Variants in ANKRD6 observed in about 807,000 individuals in gnomAD.
ANKRD6 encodes the protein ankyrin repeat domain-containing protein 6.
Under a neutral mutation model 82.3 loss-of-function variants are expected in ANKRD6, and 56 were observed. That is an observed-to-expected ratio of 0.68 (90% CI 0.55 to 0.85). ANKRD6 has a LOEUF of 0.85. Ranked by LOEUF, ANKRD6 falls within the 40% of genes least tolerant of loss-of-function variation. ANKRD6 has a pLI of 0.00. For missense variants in ANKRD6, 852 were observed against 907.6 expected (o/e 0.94, Z 0.79); for synonymous variants, 347 against 352.1 (o/e 0.99, Z 0.16).
intron 2 of ANKRD6, among the ~76,000 whole-genome samples, chr6:89,571,267 G>T (rs918496351): frequency 4.6e-5 from 7 of 151,978 alleles, no homozygotes; most frequent in African/African-American, 1.7e-4. Context: ...GTTAGCCAGG[G>T]GTGGTCTCGA....
intron 1 of ANKRD6, among the ~76,000 whole-genome samples, chr6:89,539,822 C>G (rs767464257): frequency 6.6e-6 from 1 of 150,636 alleles, no homozygotes; most frequent in African/African-American, 2.4e-5. Context: ...TGGTAACCAT[C>G]CTTCTACTCT....
At chr6:89,488,910 A>ATTCTG (rs1777702554) in intron 1 of ANKRD6, among the ~76,000 whole-genome samples, 1 of 151,598 alleles carries the variant, frequency 6.6e-6, no homozygotes, top group Non-Finnish European at 1.5e-5. Flanking sequence ...ATTCTATTCT[A>ATTCTG]TTCTATTCTA....
At chr6:89,603,651 G>A (rs1387558522) in intron 4 of ANKRD6, among the ~76,000 whole-genome samples, 1 of 152,116 alleles carries the variant, frequency 6.6e-6, no homozygotes, top group African/African-American at 2.4e-5. Flanking sequence ...AGATAAGTGA[G>A]CAAGTTAATT....
intron 1 of ANKRD6, among the ~76,000 whole-genome samples, chr6:89,451,587 C>CT (rs1772825567): frequency 6.6e-6 from 1 of 152,142 alleles, no homozygotes; most frequent in Non-Finnish European, 1.5e-5. Flanking sequence ...GCTTTAAAAA[C>CT]TGATTGTTAT....
At position 89,509,838 on chromosome 6, in the gene ANKRD6, A is replaced by G. The variant is rs116449071; in HGVS notation, c.-143-56996A>G. Among the ~76,000 whole-genome samples, 353 of 152,344 alleles carry G rather than the reference A, an allele frequency of 2.3e-3. 1 individual carries two copies. Among genetic ancestry groups the G allele is most frequent in the African/African-American group, 8.2e-3 (342 of 41,582 alleles). ...CCAAGTAATGTGGTGATGTCTAGAT[A>G]GTGAGTGACAGCATTGGGATTTAAG... On this transcript the variant is annotated intron_variant, in intron 1 of 15. Coordinates refer to ENST00000339746, the MANE Select transcript of ANKRD6 (RefSeq NM_001242809.2).
At chr6:89,526,878 C>T (rs796908130) in intron 1 of ANKRD6, among the ~76,000 whole-genome samples, 8 of 152,352 alleles carry the variant, frequency 5.3e-5, no homozygotes, top group African/African-American at 1.9e-4. Flanking sequence ...CAGGCAGAGA[C>T]TTCAGCCTTC....
Position 89,612,278 on chromosome 6 carries a change from A to G in ANKRD6, c.424A>G (p.Asn142Asp). 1 of 1,557,872 alleles carries G rather than the reference A, an allele frequency of 6.4e-7. No individual in the cohort carries two copies. The highest frequency in any genetic ancestry group is 1.4e-5 in the African/African-American group (1 of 73,516). The change falls in exon 6 of 16, where the codon AAC (asparagine) becomes GAC (aspartate). Residue 142 changes from asparagine (N) to aspartate (D), a missense_variant. Coordinates refer to ENST00000339746, the MANE Select transcript of ANKRD6 (RefSeq NM_001242809.2). ...CTCTCTGCCTCTCTCCAAGGCGGGG[A>G]ACACAGCTCTGCACCTGGCCTGCCA... ...ANVLAKNKAG[N>D]TALHLACQNS...
rs544915346 is a variant in ANKRD6, at chr6:89,475,243, C to G, written c.-144+41868C>G. 4.6e-5 allele frequency among the ~76,000 whole-genome samples: 7 copies of G among 152,208 alleles called. No homozygotes were observed. In the South Asian group the frequency reaches 1.5e-3, roughly 32 times the overall value. On this transcript the variant is annotated intron_variant, in intron 1 of 15. Coordinates refer to ENST00000339746, the MANE Select transcript of ANKRD6 (RefSeq NM_001242809.2). ...ATTTAAGAAACAAACCCAAGGAGCC[C>G]AAACCTAAAATCTGGACCTTTCTTA...
chr6:89,616,186 A>G (rs867839043), intron 7 of ANKRD6, among the ~76,000 whole-genome samples: 4 of 152,232 alleles, frequency 2.6e-5, no homozygotes, highest in South Asian at 2.1e-4. Flanking sequence ...CTCCCTGGGT[A>G]AAAGAACAGA....
At position 89,478,013 on chromosome 6, in the gene ANKRD6, TC is replaced by T. The variant is rs1582820655; in HGVS notation, c.-144+44642del. On this transcript the variant is annotated intron_variant, in intron 1 of 15. Transcript: ENST00000339746. ...TCAAATTCATATGTTGAAGTCCTAA[TC>T]CCCAGCACCTCAGATTGTGACCTTA... 3 of 152,280 alleles carry T rather than the reference TC, an allele frequency of 2.0e-5. 1 individual carries two copies. The highest frequency in any genetic ancestry group is 6.8e-3 in the Middle Eastern group (2 of 294). 9.4% of individuals were successfully genotyped at this position (152,280 alleles called of 1,614,324 possible).
chr6:89,478,650 G>T (rs1016922067), intron 1 of ANKRD6, among the ~76,000 whole-genome samples: 1 of 150,930 alleles, frequency 6.6e-6, no homozygotes, highest in African/African-American at 2.4e-5. Flanking sequence ...AGGGGGCGGG[G>T]TGGTGCTGAG....
intron 3 of ANKRD6, 154 bp from the exon 4 acceptor site, chr6:89,602,875 C>A (rs957916906): frequency 1.3e-5 from 8 of 593,138 alleles, no homozygotes; most frequent in Non-Finnish European, 2.1e-5. Flanking sequence ...ACCACAAAGC[C>A]CGCCTTGCCT....
intron 1 of ANKRD6, among the ~76,000 whole-genome samples, chr6:89,513,560 T>C (rs1369950680): frequency 6.6e-6 from 1 of 152,272 alleles, no homozygotes; most frequent in African/African-American, 2.4e-5. Flanking sequence ...TTTATTGATT[T>C]ACATTCTTAT....
intron 2 of ANKRD6, among the ~76,000 whole-genome samples, chr6:89,573,460 G>A (rs907233912): frequency 3.9e-5 from 6 of 152,068 alleles, no homozygotes; most frequent in African/African-American, 1.4e-4. Context: ...TATCCCCTCT[G>A]GAGTCATTTA....
intron 3 of ANKRD6, among the ~76,000 whole-genome samples, chr6:89,600,067 G>T (rs566617444): frequency 8.5e-5 from 13 of 152,130 alleles, no homozygotes. Flanking sequence ...TGTTCTCGCC[G>T]CAACCTCACA....
At chr6:89,568,675 A>G (rs986036153) in intron 2 of ANKRD6, among the ~76,000 whole-genome samples, 1 of 152,016 alleles carries the variant, frequency 6.6e-6, no homozygotes, top group Non-Finnish European at 1.5e-5. Context: ...ATTAGTTTCT[A>G]TGTAAGAAGA....
At chr6:89,446,415 A>G (rs1424877603) in intron 1 of ANKRD6, among the ~76,000 whole-genome samples, 1 of 152,200 alleles carries the variant, frequency 6.6e-6, no homozygotes, top group East Asian at 1.9e-4. Context: ...AATGGCCTCT[A>G]AGCATTCAAG....
intron 1 of ANKRD6, among the ~76,000 whole-genome samples, chr6:89,546,193 T>C: frequency 6.6e-6 from 1 of 152,338 alleles, no homozygotes; most frequent in Non-Finnish European, 1.5e-5. Context: ...GTTAAGCAGC[T>C]TCTTCACAGT....
chr6:89,470,475 G>A (rs1454132337), intron 1 of ANKRD6, among the ~76,000 whole-genome samples: 1 of 152,116 alleles, frequency 6.6e-6, no homozygotes, highest in Admixed American at 6.6e-5. Flanking sequence ...TAAAAAGTTA[G>A]CCAGGCATGG....
Sources: allele counts gnomAD v4.1 joint callset (sites outside exome capture counted in the v4.1 genomes callset), GRCh38; gene constraint gnomAD v4.1.1; transcripts MANE v1.5; gene names NCBI Gene and HGNC (gene_info 2026-07-23, HGNC 2026-07-21).